INTS6: variants seen among roughly 807,000 people sequenced by gnomAD.
The protein encoded by INTS6 is integrator complex subunit 6.
A neutral mutation model predicts 104.9 loss-of-function variants in INTS6; 16 were observed. The ratio of observed to expected loss-of-function variants is 0.15; its 90% CI spans 0.10 to 0.23. INTS6 has a LOEUF of 0.23. INTS6 is among the 10% of genes least tolerant of loss of function. The probability of loss-of-function intolerance (pLI) is 1.00; values close to 1 mark genes in which losing one functional copy is unlikely to be tolerated. For missense variants in INTS6, 584 were observed against 1,062.8 expected (o/e 0.55, Z 6.26); for synonymous variants, 324 against 358.7 (o/e 0.90, Z 1.09).
intron 4 of INTS6, among the ~76,000 whole-genome samples, chr13:51,416,573 G>A (rs1956790979): frequency 6.6e-6 from 1 of 152,172 alleles, no homozygotes; most frequent in Non-Finnish European, 1.5e-5. Context: ...TTTTAAGGCT[G>A]AATAATATTC....
intron 5 of INTS6, among the ~76,000 whole-genome samples, chr13:51,391,404 AAAG>A (rs1956244536): frequency 6.6e-6 from 1 of 152,186 alleles, no homozygotes; most frequent in African/African-American, 2.4e-5. Context: ...AATTGGAGAA[AAAG>A]AATAAAATGA....
intron 4 of INTS6, among the ~76,000 whole-genome samples, chr13:51,429,785 A>AAAAG (rs1156333077): frequency 1.1e-5 from 1 of 92,358 alleles, no homozygotes; most frequent in Non-Finnish European, 2.0e-5. Flanking sequence ...AAAAAAAAAA[A>AAAAG]ATATATATAT....
rs1196361544 is a variant in INTS6 at position 51,380,270 on chromosome 13, T to C, written c.1276-698A>G. Among the ~76,000 whole-genome samples the C allele has an allele frequency of 2.0e-4, 30 of 152,128 alleles. 1 individual carries two copies. The highest frequency in any genetic ancestry group is 2.0e-3 in the Admixed American group (30 of 15,264). On this transcript the variant is annotated intron_variant, in intron 10 of 17. Coordinates refer to ENST00000311234, the MANE Select transcript of INTS6 (RefSeq NM_012141.3). ...GAAAGTTAAAAAAAACTTTCAATTG[T>C]AAGGAGAGACTGAGAAGTACTTTAT... is the stretch of plus-strand genomic sequence containing the variant.
At chr13:51,395,868 G>C (rs1300189343) in intron 4 of INTS6, among the ~76,000 whole-genome samples, 1 of 151,944 alleles carries the variant, frequency 6.6e-6, no homozygotes, top group East Asian at 1.9e-4. Flanking sequence ...CACGATCTTG[G>C]CTCATTGCAA....
chr13:51,346,970 C>A, the INTS6 span: 1 of 1,317,802 alleles, frequency 7.6e-7, no homozygotes, highest in South Asian at 1.3e-5. Flanking sequence ...ACACTGGGTT[C>A]GGTTCAGTTT....
chr13:51,341,553 G>A, the INTS6 span, among the ~76,000 whole-genome samples: 1 of 152,222 alleles, frequency 6.6e-6, no homozygotes, highest in African/African-American at 2.4e-5. Context: ...ACATGGGGAA[G>A]AGTGATCACT....
Position 51,364,327 on chromosome 13 carries a change from T to C in INTS6, c.*1425A>G. The C allele has an allele frequency of 8.6e-7, 1 of 1,164,470 alleles. No homozygotes were observed. Among genetic ancestry groups the C allele is most frequent in the Non-Finnish European group, 1.2e-6 (1 of 830,986 alleles). The allele number at this position is 1,164,470 out of a possible 1,614,324, so 72.1% of individuals were successfully genotyped here. A position where few individuals can be genotyped will look rare whatever the true frequency, so the allele number is the denominator to read the frequency against. On this transcript the variant is annotated 3_prime_UTR_variant, in exon 18 of 18. Coordinates refer to ENST00000311234, the MANE Select transcript of INTS6 (RefSeq NM_012141.3). ...ATCAATGCTTTTCTTCATAAAGTTATAATTTCATTTTGCTATACCCTTGAA... is the reference window on the plus strand; with the variant it reads ...ATCAATGCTTTTCTTCATAAAGTTACAATTTCATTTTGCTATACCCTTGAA...
chr13:51,340,746 C>A, the INTS6 span: 3 of 334,314 alleles, frequency 9.0e-6, no homozygotes, highest in Admixed American at 1.4e-4. Flanking sequence ...TCTTACATTT[C>A]TTTTCCCAAC....
At chr13:51,414,830 C>CCA (rs1555288611) in intron 4 of INTS6, among the ~76,000 whole-genome samples, 1 of 100,560 alleles carries the variant, frequency 9.9e-6, no homozygotes, top group Non-Finnish European at 1.9e-5. Flanking sequence ...TGTAGTTCTT[C>CCA]TATACACACA....
chr13:51,365,865 G>A lies in INTS6; in HGVS notation c.2571-20C>T, dbSNP rs112820050. On this transcript the variant is annotated intron_variant, in intron 17 of 17. Coordinates refer to ENST00000311234, the MANE Select transcript of INTS6 (RefSeq NM_012141.3). ...TTAAACCTGTATGAAAAAATAAATA[G>A]TACTCTCAATTACTTTTTAATGAAT... 13 of 1,428,010 alleles carry A rather than the reference G, an allele frequency of 9.1e-6. No homozygotes were observed. The African/African-American group carries it at 9.9e-5, about 11-fold the overall frequency. 88.5% of individuals were successfully genotyped at this position (1,428,010 alleles called of 1,614,324 possible). A position where few individuals can be genotyped will look rare whatever the true frequency, so the allele number is the denominator to read the frequency against.
chr13:51,344,147 A>G, the INTS6 span: 2 of 773,406 alleles, frequency 2.6e-6, no homozygotes, highest in East Asian at 5.4e-5. Context: ...TATGAGCAAG[A>G]GTGGAGTTGC....
the INTS6 span, among the ~76,000 whole-genome samples, chr13:51,347,511 G>A: frequency 6.6e-6 from 1 of 152,170 alleles, no homozygotes; most frequent in African/African-American, 2.4e-5. Context: ...AGTAGAGTTT[G>A]GACCAAACTG....
chr13:51,449,820 A>G, intron 3 of INTS6: 1 of 985,398 alleles, frequency 1.0e-6, no homozygotes, highest in African/African-American at 1.7e-5. Flanking sequence ...AAAGCAGCAG[A>G]GATGGGAAAA....
intron 12 of INTS6, 129 bp downstream of exon 12, chr13:51,378,110 T>C: frequency 1.5e-6 from 1 of 674,406 alleles, no homozygotes; most frequent in Non-Finnish European, 2.6e-6. Flanking sequence ...TAATGATCAT[T>C]AGTCTACAAG....
In INTS6 at chr13:51,434,387, T is replaced by C. The variant is rs554894836; in HGVS notation, c.340-4004A>G. Among the ~76,000 whole-genome samples, 12 of 152,248 alleles carry C rather than the reference T, an allele frequency of 7.9e-5. No homozygotes were observed. The East Asian group carries it at 1.9e-3, about 24-fold the overall frequency. On this transcript the variant is annotated intron_variant, in intron 3 of 17. Coordinates refer to ENST00000311234, the MANE Select transcript of INTS6 (RefSeq NM_012141.3). ...CAAGATAAAATAATAAGTTCTTTAGTGACTTTAAATTTTGGAAAAGTCAGA... is the reference window on the plus strand; with the variant it reads ...CAAGATAAAATAATAAGTTCTTTAGCGACTTTAAATTTTGGAAAAGTCAGA...
downstream of INTS6, among the ~76,000 whole-genome samples, chr13:51,360,802 G>A (rs1474996908): frequency 6.6e-6 from 1 of 151,956 alleles, no homozygotes; most frequent in Non-Finnish European, 1.5e-5. Flanking sequence ...ATTTAAAAGT[G>A]GCTCTTAAAG....
intron 15 of INTS6, among the ~76,000 whole-genome samples, chr13:51,373,001 T>C (rs1284525236): frequency 6.6e-6 from 1 of 152,202 alleles, no homozygotes; most frequent in East Asian, 1.9e-4. Flanking sequence ...TTAAACTACA[T>C]TTGAATCTGT....
At chr13:51,401,650 T>C (rs1321003098) in intron 4 of INTS6, among the ~76,000 whole-genome samples, 4 of 152,144 alleles carry the variant, frequency 2.6e-5, no homozygotes, top group Non-Finnish European at 4.4e-5. Flanking sequence ...CCGTTATATA[T>C]ATTAATTCAT....
intron 13 of INTS6, among the ~76,000 whole-genome samples, chr13:51,375,371 A>G (rs1463253622): frequency 6.8e-6 from 1 of 147,304 alleles, no homozygotes. Context: ...AAAAAAAAGT[A>G]TGTGTGATCT....
Sources: allele counts gnomAD v4.1 joint callset (sites outside exome capture counted in the v4.1 genomes callset), GRCh38; gene constraint gnomAD v4.1.1; transcripts MANE v1.5; gene names NCBI Gene and HGNC (gene_info 2026-07-23, HGNC 2026-07-21).